Variants in CASP4 observed in about 807,000 individuals in gnomAD.
The protein encoded by CASP4 is caspase 4, also known as caspase-4.
In CASP4, 29 loss-of-function variants were observed where a neutral mutation model predicts 41.3. The observed-to-expected ratio is 0.70, with a 90% CI of 0.52 to 0.96. The LOEUF (loss-of-function observed/expected upper bound fraction) is 0.96, where lower values mean the gene tolerates loss of function less well. Among genes scored for constraint, CASP4 ranks in the 40% least tolerant of loss-of-function variants. The pLI is 0.00. For missense variants in CASP4, 447 were observed against 460.6 expected (o/e 0.97, Z 0.27); for synonymous variants, 185 against 158.4 (o/e 1.17, Z -1.26).
chr11:104,960,084 A>G lies in CASP4; in HGVS notation c.8-5083T>C, dbSNP rs1591133850. ...TGTTCCCACCTTGCTCATTACATTCAAAACGTTCTGCCTTCATTTAATTTC... is the reference window on the plus strand; with the variant it reads ...TGTTCCCACCTTGCTCATTACATTCGAAACGTTCTGCCTTCATTTAATTTC... On this transcript the variant is annotated intron_variant, in intron 1 of 8. Transcript: ENST00000444739. Among the ~76,000 whole-genome samples, 4 of 152,220 alleles carry G rather than the reference A, an allele frequency of 2.6e-5. No homozygotes were observed. The South Asian group carries it at 8.3e-4, about 32-fold the overall frequency.
At chr11:104,968,366 A>G (rs570093202) in intron 1 of CASP4, among the ~76,000 whole-genome samples, 153 bp downstream of exon 1, 50 of 152,212 alleles carry the variant, frequency 3.3e-4, no homozygotes, top group Non-Finnish European at 4.4e-4. Context: ...CTCTAACACC[A>G]GGTCCCATGA....
At chr11:104,945,901 T>C (rs1424842139) in intron 7 of CASP4, among the ~76,000 whole-genome samples, 1 of 151,812 alleles carries the variant, frequency 6.6e-6, no homozygotes, top group Non-Finnish European at 1.5e-5. Flanking sequence ...GGCTAGAGGG[T>C]AGTGGTGAAA....
chr11:104,946,175 G>A (rs144891133), intron 7 of CASP4, among the ~76,000 whole-genome samples: 21 of 152,082 alleles, frequency 1.4e-4, no homozygotes, highest in African/African-American at 5.1e-4. Flanking sequence ...AAACGCCAGA[G>A]GTGTATCTTT....
chr11:104,951,095 A>G lies in CASP4; in HGVS notation c.376T>C (p.Tyr126His). ...RLCKERAEEI[Y>H]PIKERNNRTR... Reference sequence around the variant, plus strand: ...CGGTTGTTTCTCTCCTTTATTGGATAGATCTGCAGGATATGGAGATGCAAT... The same window carrying G: ...CGGTTGTTTCTCTCCTTTATTGGATGGATCTGCAGGATATGGAGATGCAAT... The change falls in exon 4 of 9, where the codon TAT (tyrosine) becomes CAT (histidine). Residue 126 changes from tyrosine to histidine, a missense_variant. Coordinates refer to ENST00000444739, the MANE Select transcript of CASP4 (RefSeq NM_001225.4). 6.2e-7 allele frequency: 1 copy of G among 1,612,240 alleles called. No homozygotes were observed. Among genetic ancestry groups the G allele is most frequent in the Non-Finnish European group, 8.5e-7 (1 of 1,178,890 alleles).
intron 1 of CASP4, among the ~76,000 whole-genome samples, chr11:104,964,083 CA>C (rs1380362151): frequency 6.6e-6 from 1 of 152,120 alleles, no homozygotes; most frequent in Non-Finnish European, 1.5e-5. Context: ...AATTGTTATA[CA>C]AAATTGTTGG....
At chr11:104,944,918 A>G in intron 7 of CASP4, 67 bp from the exon 8 acceptor site, 11 of 1,098,146 alleles carry the variant, frequency 1.0e-5, no homozygotes, top group East Asian at 2.4e-5. Context: ...ATCTTTCACC[A>G]TGTACCAGAC....
At position 104,968,538 on chromosome 11, in the gene CASP4, C is replaced by T; in HGVS notation, c.-13G>A. On this transcript the variant is annotated 5_prime_UTR_variant, in exon 1 of 9. Transcript: ENST00000444739. Reference sequence around the variant, plus strand: ...ACTCACCTGCCATAGGGAACAGCCTCTGTCCTTTTTTACAGCGTTGGAAAG... The same window carrying T: ...ACTCACCTGCCATAGGGAACAGCCTTTGTCCTTTTTTACAGCGTTGGAAAG... 1.2e-6 allele frequency: 2 copies of T among 1,613,218 alleles called. No homozygotes were observed. Among genetic ancestry groups the T allele is most frequent in the South Asian group, 2.2e-5 (2 of 91,072 alleles).
intron 1 of CASP4, chr11:104,956,511 C>T (rs904156024): frequency 6.1e-5 from 13 of 214,266 alleles, no homozygotes; most frequent in South Asian, 1.7e-4. Context: ...AAAAGAACAC[C>T]GAGTATATAG....
In CASP4 at chr11:104,960,811, C is replaced by A. The variant is rs149108299; in HGVS notation, c.8-5810G>T. Among the ~76,000 whole-genome samples the A allele has an allele frequency of 3.9e-4, 60 of 152,142 alleles. No homozygotes were observed. In the East Asian group the frequency reaches 0.011, roughly 29 times the overall value. ...TTTTCCATTTAATTGTGATTCCCAGCCTACTTATCTCTATCCACTGTTAGA... is the reference window on the plus strand; with the variant it reads ...TTTTCCATTTAATTGTGATTCCCAGACTACTTATCTCTATCCACTGTTAGA... On this transcript the variant is annotated intron_variant, in intron 1 of 8. Transcript: ENST00000444739.
intron 1 of CASP4, among the ~76,000 whole-genome samples, chr11:104,960,698 G>A (rs1860838899): frequency 6.6e-6 from 1 of 152,100 alleles, no homozygotes; most frequent in Admixed American, 6.5e-5. Context: ...TCGAACTCCT[G>A]ACCTCAGGTG....
intron 3 of CASP4, chr11:104,951,379 C>G (rs557328334): frequency 6.9e-6 from 2 of 291,820 alleles, no homozygotes; most frequent in Non-Finnish European, 1.3e-5. Flanking sequence ...AAGTTCAGGT[C>G]AAATTTCATA....
chr11:104,950,826 A>ACAC, intron 4 of CASP4, 99 bp downstream of exon 4: 93 of 1,118,992 alleles, frequency 8.3e-5, no homozygotes, highest in South Asian at 1.0e-4. Flanking sequence ...ACACACACCC[A>ACAC]AAGGTTGTTA....
intron 1 of CASP4, among the ~76,000 whole-genome samples, chr11:104,963,645 G>T (rs769871622): frequency 6.6e-6 from 1 of 152,190 alleles, no homozygotes; most frequent in Non-Finnish European, 1.5e-5. Context: ...AGCATGCTCT[G>T]GGCCACCTGG....
At chr11:104,953,579 C>A (rs893716833) in intron 2 of CASP4, among the ~76,000 whole-genome samples, 9 of 152,174 alleles carry the variant, frequency 5.9e-5, no homozygotes, top group African/African-American at 1.7e-4. Context: ...GGACAACTAT[C>A]ATACTATCAT....
In CASP4 at chr11:104,948,532, C is replaced by T. The variant is rs144482787; in HGVS notation, c.925+1G>A. The T allele has an allele frequency of 1.7e-4, 270 of 1,598,738 alleles. No individual in the cohort carries two copies. The highest frequency in any genetic ancestry group is 2.2e-4 in the Non-Finnish European group (254 of 1,170,716). On this transcript the variant is annotated splice_donor_variant, in intron 6 of 8. Transcript: ENST00000444739. LOFTEE classifies it high-confidence loss of function. ...CCTTACTGCCACTGAAAGATACATA[C>T]GTGGCGTTGAAGAGCAGAAAGCAAT...
Position 104,954,887 on chromosome 11 carries a change from T to C in CASP4, c.122A>G (p.Glu41Gly), listed in dbSNP as rs1264439919. 3 of 1,613,844 alleles carry C rather than the reference T, an allele frequency of 1.9e-6. No homozygotes were observed. The highest frequency in any genetic ancestry group is 3.3e-5 in the Admixed American group (2 of 59,946). ...TTTAGCATCGTAATATTTCTTTTTT[T>C]CCTCTTCCTTCCAGTTCAGTACATT... ...EQNVLNWKEEEKKKYYDAKTE... is the reference protein window; with the variant it reads ...EQNVLNWKEEGKKKYYDAKTE... The change falls in exon 2 of 9, where the codon GAA becomes GGA. Residue 41 changes from glutamate (E) to glycine (G), a missense_variant. Coordinates refer to ENST00000444739, the MANE Select transcript of CASP4 (RefSeq NM_001225.4).
At chr11:104,952,150 CAGGAGA>C (rs1481231014) in intron 2 of CASP4, 145 bp from the exon 3 acceptor site, 1 of 583,536 alleles carries the variant, frequency 1.7e-6, no homozygotes, top group African/African-American at 1.9e-5. Flanking sequence ...TATTCTACAT[CAGGAGA>C]TGTATTGTTA....
intron 7 of CASP4, among the ~76,000 whole-genome samples, chr11:104,946,337 G>A (rs1037723868): frequency 6.6e-6 from 1 of 152,048 alleles, no homozygotes; most frequent in African/African-American, 2.4e-5. Flanking sequence ...ATTATTAATT[G>A]AATATCTGCT....
intron 6 of CASP4, 30 bp downstream of exon 6, chr11:104,948,503 A>C (rs532173605): frequency 1.3e-6 from 2 of 1,548,452 alleles, no homozygotes; most frequent in South Asian, 2.5e-5. Flanking sequence ...CAGGCCCACA[A>C]ATCCCTTACT....
Sources: allele counts gnomAD v4.1 joint callset (sites outside exome capture counted in the v4.1 genomes callset), GRCh38; gene constraint gnomAD v4.1.1; transcripts MANE v1.5; gene names NCBI Gene and HGNC (gene_info 2026-07-23, HGNC 2026-07-21).